CCDC3: variants seen among roughly 807,000 people sequenced by gnomAD.
CCDC3 encodes coiled-coil domain-containing protein 3.
CCDC3 carries 24 observed loss-of-function variants against 21.4 expected under a neutral mutation model. The observed-to-expected ratio is 1.12, with a 90% CI of 0.81 to 1.58. CCDC3 has a LOEUF of 1.58. Ranked by LOEUF, CCDC3 falls within the 40% of genes most tolerant of loss-of-function variation. CCDC3 has a pLI of 0.00. For synonymous variants in CCDC3, 186 were observed against 166.0 expected (o/e 1.12, Z -0.93); for missense variants, 425 against 360.9 (o/e 1.18, Z -1.44).
chr10:13,037,687 C>A (rs1172784028), intron 5 of CCDC3, among the ~76,000 whole-genome samples: 1 of 152,184 alleles, frequency 6.6e-6, no homozygotes, highest in Admixed American at 6.5e-5. Context: ...GGAGGCCAGG[C>A]ATAGTAGCTC....
At chr10:13,087,665 T>A (rs1837128082) in intron 3 of CCDC3, among the ~76,000 whole-genome samples, 1 of 152,054 alleles carries the variant, frequency 6.6e-6, no homozygotes, top group Non-Finnish European at 1.5e-5. Context: ...TATAAAAGGA[T>A]AAGCTATGTT....
At chr10:12,957,958 T>C (rs1266429263) in intron 2 of CCDC3, among the ~76,000 whole-genome samples, 2 of 151,930 alleles carry the variant, frequency 1.3e-5, no homozygotes, top group Admixed American at 6.6e-5. Context: ...GCCTCCCAAA[T>C]AGGTGGAACT....
chr10:13,088,061 G>C (rs1218774044), intron 3 of CCDC3, among the ~76,000 whole-genome samples: 1 of 152,170 alleles, frequency 6.6e-6, no homozygotes, highest in Admixed American at 6.5e-5. Flanking sequence ...TGCATGACTT[G>C]GCATGCTTCA....
At chr10:12,913,727 T>C (rs1483157574) in intron 2 of CCDC3, among the ~76,000 whole-genome samples, 2 of 152,250 alleles carry the variant, frequency 1.3e-5, no homozygotes, top group African/African-American at 4.8e-5. Flanking sequence ...TTGTCTTACG[T>C]GGCCTTTATT....
At chr10:12,912,956 T>C (rs551111920) in intron 2 of CCDC3, among the ~76,000 whole-genome samples, 5 of 152,348 alleles carry the variant, frequency 3.3e-5, no homozygotes, top group South Asian at 2.1e-4. Context: ...TTCTGTTCAA[T>C]TGGTAGATTT....
At chr10:13,094,753 A>C (rs1477320317) in intron 3 of CCDC3, among the ~76,000 whole-genome samples, 1 of 152,006 alleles carries the variant, frequency 6.6e-6, no homozygotes, top group East Asian at 2.0e-4. Flanking sequence ...AGTCCCAGCT[A>C]CTTGGCAGGC....
intron 2 of CCDC3, among the ~76,000 whole-genome samples, chr10:12,931,587 G>T (rs778494086): frequency 6.6e-6 from 1 of 152,228 alleles, no homozygotes; most frequent in East Asian, 1.9e-4. Context: ...GGCAGAGGCC[G>T]TGGCTACCCT....
intron 2 of CCDC3, among the ~76,000 whole-genome samples, chr10:12,990,993 C>CA (rs1185903459): frequency 2.0e-5 from 3 of 152,220 alleles, no homozygotes; most frequent in African/African-American, 4.8e-5. Flanking sequence ...AACAGGTGCT[C>CA]AAATACTTGT....
chr10:12,939,759 A>T (rs2131236767), intron 2 of CCDC3, among the ~76,000 whole-genome samples: 1 of 152,370 alleles, frequency 6.6e-6, no homozygotes. Context: ...ATCAAATAGT[A>T]GTAATTACCC....
intron 5 of CCDC3, among the ~76,000 whole-genome samples, chr10:13,042,212 G>A (rs1836466573): frequency 6.6e-6 from 1 of 152,232 alleles, no homozygotes; most frequent in African/African-American, 2.4e-5. Context: ...ATCACAGCAG[G>A]TAGCAGTGAG....
At chr10:12,971,462 C>T (rs985908082) in intron 2 of CCDC3, among the ~76,000 whole-genome samples, 4 of 152,330 alleles carry the variant, frequency 2.6e-5, no homozygotes, top group African/African-American at 9.6e-5. Context: ...AAGGAACCCA[C>T]ACTCTAGGTC....
chr10:13,059,302 C>G lies in CCDC3; in HGVS notation c.-269-9361G>C, dbSNP rs1255668517. On this transcript the variant is annotated intron_variant, in intron 4 of 6. Coordinates refer to the CCDC3 transcript ENST00000378839. The stretch of plus-strand genomic sequence containing the variant: ...CTTTGCGGAGCGGACCTCTCATGCC[C>G]CCATTTCACCTCCTGCCTCCTGCCC... Among the ~76,000 whole-genome samples the G allele has an allele frequency of 3.3e-5, 5 of 152,152 alleles. No individual in the cohort carries two copies. The East Asian group carries it at 9.6e-4, about 29-fold the overall frequency.
intron 5 of CCDC3, among the ~76,000 whole-genome samples, chr10:13,016,794 A>G (rs566131382): frequency 2.0e-4 from 31 of 152,114 alleles, no homozygotes; most frequent in African/African-American, 6.3e-4. Context: ...CAAAATATGC[A>G]TTTTTCTTCC....
intron 3 of CCDC3, among the ~76,000 whole-genome samples, chr10:13,080,405 ATGT>A (rs1837023542): frequency 6.6e-6 from 1 of 152,202 alleles, no homozygotes; most frequent in Admixed American, 6.5e-5. Context: ...TATGCAAGAA[ATGT>A]TGTATAATTT....
intron 2 of CCDC3, among the ~76,000 whole-genome samples, chr10:12,980,403 T>C (rs1835478262): frequency 6.6e-6 from 1 of 152,126 alleles, no homozygotes; most frequent in South Asian, 2.1e-4. Flanking sequence ...CTGCGCTTAT[T>C]CTAACCACAG....
At chr10:13,034,038 C>T (rs1200083663) in intron 5 of CCDC3, among the ~76,000 whole-genome samples, 1 of 152,122 alleles carries the variant, frequency 6.6e-6, no homozygotes, top group Non-Finnish European at 1.5e-5. Flanking sequence ...AAGACACATG[C>T]ACACGTATGT....
intron 5 of CCDC3, among the ~76,000 whole-genome samples, chr10:13,028,076 A>G (rs899230632): frequency 5.3e-5 from 8 of 152,174 alleles, no homozygotes; most frequent in African/African-American, 1.9e-4. Context: ...AAAAGCCAGA[A>G]TGATATGGTT....
At chr10:12,975,938 T>A (rs1183868853) in intron 2 of CCDC3, among the ~76,000 whole-genome samples, 2 of 152,126 alleles carry the variant, frequency 1.3e-5, no homozygotes, top group East Asian at 1.9e-4. Context: ...CAAGACACAC[T>A]CTTCTACACT....
intron 2 of CCDC3, among the ~76,000 whole-genome samples, chr10:12,934,267 C>A (rs1686657083): frequency 6.6e-6 from 1 of 152,276 alleles, no homozygotes; most frequent in Admixed American, 6.5e-5. Flanking sequence ...TTATTGATTT[C>A]TAGTTTAATT....
Sources: allele counts gnomAD v4.1 joint callset (sites outside exome capture counted in the v4.1 genomes callset), GRCh38; gene constraint gnomAD v4.1.1; transcripts MANE v1.5; gene names NCBI Gene and HGNC (gene_info 2026-07-23, HGNC 2026-07-21).